Variants in SMYD3 observed in about 807,000 individuals in gnomAD.
SMYD3 encodes the protein histone-lysine N-methyltransferase SMYD3.
A neutral mutation model predicts 57.7 loss-of-function variants in SMYD3; 36 were observed. The observed-to-expected ratio is 0.62, with a 90% CI of 0.48 to 0.82. SMYD3 has a LOEUF of 0.82. Ranked by LOEUF, SMYD3 falls within the 40% of genes least tolerant of loss-of-function variation. The probability of loss-of-function intolerance (pLI) is 0.00; values close to 1 mark genes in which losing one functional copy is unlikely to be tolerated. For synonymous variants in SMYD3, 211 were observed against 195.0 expected (o/e 1.08, Z -0.68); for missense variants, 515 against 538.8 (o/e 0.96, Z 0.44).
chr1:245,848,318 C>T (rs1409417446), intron 10 of SMYD3, among the ~76,000 whole-genome samples: 3 of 151,840 alleles, frequency 2.0e-5, no homozygotes, highest in Non-Finnish European at 4.4e-5. Context: ...GATAGGGTTT[C>T]ATCATGTTGC....
intron 5 of SMYD3, among the ~76,000 whole-genome samples, chr1:246,128,518 T>C (rs1192533829): frequency 1.3e-5 from 2 of 152,188 alleles, no homozygotes; most frequent in Non-Finnish European, 2.9e-5. Context: ...AGAAATCTTA[T>C]TTAATTTTTA....
chr1:245,892,807 T>C (rs116651116), intron 8 of SMYD3, among the ~76,000 whole-genome samples: 3,015 of 152,278 alleles, frequency 0.02, 95 homozygotes, highest in African/African-American at 0.067. Flanking sequence ...AATATCTTTC[T>C]CCTCTTGAAT....
At chr1:245,881,778 G>C (rs966247380) in intron 8 of SMYD3, among the ~76,000 whole-genome samples, 2 of 152,196 alleles carry the variant, frequency 1.3e-5, no homozygotes, top group African/African-American at 2.4e-5. Flanking sequence ...GGTAGTCAAG[G>C]ATCTCTCCCC....
chr1:246,237,607 T>C (rs960598155), intron 5 of SMYD3, among the ~76,000 whole-genome samples: 1 of 152,210 alleles, frequency 6.6e-6, no homozygotes, highest in Non-Finnish European at 1.5e-5. Flanking sequence ...TTTCAAAATA[T>C]CTTTATTATT....
At chr1:246,130,591 T>C (rs375457541) in intron 5 of SMYD3, among the ~76,000 whole-genome samples, 1 of 152,328 alleles carries the variant, frequency 6.6e-6, no homozygotes, top group East Asian at 1.9e-4. Context: ...CCAATTTTTA[T>C]TCTCGTTATA....
At chr1:245,930,538 G>A (rs66472408) in intron 5 of SMYD3, 5,349 of 175,724 alleles carry the variant, frequency 0.03, 203 homozygotes, top group African/African-American at 0.092. Flanking sequence ...ATGCAGGGAC[G>A]GAGCAGAAGC....
chr1:246,083,245 T>C lies in SMYD3; in HGVS notation c.532-153308A>G, dbSNP rs566834619. Among the ~76,000 whole-genome samples, 3 of 152,282 alleles carry C rather than the reference T, an allele frequency of 2.0e-5. No individual in the cohort carries two copies. The East Asian group carries it at 5.8e-4, about 29-fold the overall frequency. On this transcript the variant is annotated intron_variant, in intron 5 of 11. Coordinates refer to ENST00000490107, the MANE Select transcript of SMYD3 (RefSeq NM_001167740.2). ...AAACCCGATTGTATATTCCATCTAC[T>C]GAGACAGGGGAAAACCGCCTTAGGG...
chr1:245,911,979 C>T (rs1285594913), intron 8 of SMYD3, among the ~76,000 whole-genome samples: 1 of 152,018 alleles, frequency 6.6e-6, no homozygotes, highest in African/African-American at 2.4e-5. Context: ...CAAAATACCA[C>T]ATATACCACA....
intron 10 of SMYD3, among the ~76,000 whole-genome samples, chr1:245,779,163 G>A (rs1415984476): frequency 1.8e-5 from 2 of 113,088 alleles, no homozygotes; most frequent in Non-Finnish European, 3.2e-5. Flanking sequence ...CTGTCCCAAG[G>A]GGAAAAAAAA....
chr1:246,398,555 T>C (rs2066713764), intron 1 of SMYD3, among the ~76,000 whole-genome samples: 1 of 152,202 alleles, frequency 6.6e-6, no homozygotes, highest in Non-Finnish European at 1.5e-5. Flanking sequence ...ATGAAATACT[T>C]AGAGTGGTTC....
intron 5 of SMYD3, chr1:246,109,760 T>G (rs1379851368): frequency 6.6e-6 from 1 of 152,218 alleles, no homozygotes; most frequent in East Asian, 1.9e-4. Context: ...TTTACTAAAA[T>G]AAATTCCCTC....
intron 5 of SMYD3, among the ~76,000 whole-genome samples, chr1:246,116,818 G>C (rs1452994786): frequency 6.6e-6 from 1 of 152,110 alleles, no homozygotes; most frequent in African/African-American, 2.4e-5. Flanking sequence ...CAATCAGTCA[G>C]CTTAAACCTT....
intron 1 of SMYD3, among the ~76,000 whole-genome samples, chr1:246,432,193 A>T (rs1300452853): frequency 6.6e-6 from 1 of 152,240 alleles, no homozygotes; most frequent in Non-Finnish European, 1.5e-5. Flanking sequence ...CAGAACTATC[A>T]GTTATGTGAC....
In SMYD3 at chr1:246,471,527, G is replaced by A. The variant is rs951410645; in HGVS notation, c.164+35527C>T. Among the ~76,000 whole-genome samples, 7 of 152,148 alleles carry A rather than the reference G, an allele frequency of 4.6e-5. 1 individual carries two copies. The highest frequency in any genetic ancestry group is 1.3e-4 in the Admixed American group (2 of 15,276). ...TTTTAAAATAAGACTGCATTAACCTGTCATCTTTAATTTCAACCATATAAG... is the reference window on the plus strand; with the variant it reads ...TTTTAAAATAAGACTGCATTAACCTATCATCTTTAATTTCAACCATATAAG... On this transcript the variant is annotated intron_variant, in intron 1 of 11. Transcript: ENST00000490107.
chr1:246,325,581 T>C (rs2065336544), intron 5 of SMYD3, among the ~76,000 whole-genome samples: 1 of 152,058 alleles, frequency 6.6e-6, no homozygotes, highest in Non-Finnish European at 1.5e-5. Context: ...GCAACAGAAT[T>C]TTCCCCCTAT....
chr1:245,867,664 G>GCACA (rs1553345537), intron 8 of SMYD3, among the ~76,000 whole-genome samples: 1 of 122,102 alleles, frequency 8.2e-6, no homozygotes, highest in African/African-American at 3.2e-5. Context: ...GTGTGCGTGC[G>GCACA]CGCGCACACA....
At chr1:246,160,506 T>G (rs1478031777) in intron 5 of SMYD3, among the ~76,000 whole-genome samples, 1 of 152,200 alleles carries the variant, frequency 6.6e-6, no homozygotes, top group Non-Finnish European at 1.5e-5. Context: ...GAAACATTAA[T>G]GAGCTTCTGA....
At chr1:246,421,530 T>C (rs2067142363) in intron 1 of SMYD3, among the ~76,000 whole-genome samples, 1 of 152,154 alleles carries the variant, frequency 6.6e-6, no homozygotes, top group South Asian at 2.1e-4. Flanking sequence ...CATTATTTTA[T>C]TGTAAGTCAC....
Position 246,298,233 on chromosome 1 carries a change from AT to A in SMYD3, c.531+28967del, listed in dbSNP as rs199730237. Among the ~76,000 whole-genome samples the A allele has an allele frequency of 5.7e-3, 854 of 149,588 alleles. 6 individuals are homozygous for A. Among genetic ancestry groups the A allele is most frequent in the Non-Finnish European group, 0.01 (693 of 67,804 alleles). ...AGCAAGAGCACACTGAGGTAAAAAA[AT>A]AATAATAATAAATAGAAGCTATTAC... is the stretch of plus-strand genomic sequence containing the variant. On this transcript the variant is annotated intron_variant, in intron 5 of 11. Coordinates refer to ENST00000490107, the MANE Select transcript of SMYD3 (RefSeq NM_001167740.2).
Sources: allele counts gnomAD v4.1 joint callset (sites outside exome capture counted in the v4.1 genomes callset), GRCh38; gene constraint gnomAD v4.1.1; transcripts MANE v1.5; gene names NCBI Gene and HGNC (gene_info 2026-07-23, HGNC 2026-07-21).